WDR7: variants seen among roughly 807,000 people sequenced by gnomAD.
The protein encoded by WDR7 is WD repeat domain 7, also known as WD repeat-containing protein 7.
A neutral mutation model predicts 169.4 loss-of-function variants in WDR7; 46 were observed. The ratio of observed to expected loss-of-function variants is 0.27; its 90% CI spans 0.21 to 0.35. WDR7 has a LOEUF of 0.35. Among genes scored for constraint, WDR7 ranks in the 10% least tolerant of loss-of-function variants. WDR7 has a pLI of 1.00. For missense variants in WDR7, 1,534 were observed against 1,859.3 expected, an observed-to-expected ratio of 0.83 and a Z score of 3.22; for synonymous variants, 612 against 666.8, an observed-to-expected ratio of 0.92 and a Z score of 1.27.
At chr18:56,754,525 GGT>G (rs571518060) in intron 14 of WDR7, among the ~76,000 whole-genome samples, 2 of 150,004 alleles carry the variant, frequency 1.3e-5, no homozygotes, top group South Asian at 2.1e-4. Flanking sequence ...AACCATAACT[GGT>G]GTGTGTGTGT....
intron 19 of WDR7, among the ~76,000 whole-genome samples, chr18:56,785,491 C>T (rs935053588): frequency 6.6e-6 from 1 of 152,198 alleles, no homozygotes; most frequent in African/African-American, 2.4e-5. Flanking sequence ...CAGCTCCTAA[C>T]TTAAAATTGA....
At chr18:56,989,974 TA>T (rs2047786613) in intron 26 of WDR7, among the ~76,000 whole-genome samples, 1 of 152,222 alleles carries the variant, frequency 6.6e-6, no homozygotes, top group Non-Finnish European at 1.5e-5. Context: ...CAGGACCATG[TA>T]AAACTAATGT....
At chr18:56,791,776 T>C (rs935126058) in intron 19 of WDR7, among the ~76,000 whole-genome samples, 11 of 152,294 alleles carry the variant, frequency 7.2e-5, no homozygotes, top group Non-Finnish European at 1.2e-4. Flanking sequence ...AGTGGATGCA[T>C]ACTTGGGGCC....
At chr18:56,921,656 G>C (rs752949099) in intron 21 of WDR7, among the ~76,000 whole-genome samples, 1 of 152,146 alleles carries the variant, frequency 6.6e-6, no homozygotes, top group East Asian at 1.9e-4. Flanking sequence ...TCTGAAAGGA[G>C]GGTCTTTTGA....
chr18:56,787,262 T>G (rs1446184034), intron 19 of WDR7, among the ~76,000 whole-genome samples: 3 of 152,172 alleles, frequency 2.0e-5, no homozygotes, highest in Admixed American at 6.5e-5. Flanking sequence ...CAGAGTGACC[T>G]TACAGGGCAT....
intron 19 of WDR7, among the ~76,000 whole-genome samples, chr18:56,812,267 A>G (rs962691379): frequency 6.6e-6 from 1 of 152,184 alleles, no homozygotes; most frequent in Non-Finnish European, 1.5e-5. Flanking sequence ...TTAGGTGTCC[A>G]TTGTTCATTA....
intron 11 of WDR7, 40 bp from the exon 12 acceptor site, chr18:56,696,202 C>T: frequency 6.5e-7 from 1 of 1,526,802 alleles, no homozygotes; most frequent in Non-Finnish European, 8.9e-7. Flanking sequence ...CTTGGTAAAC[C>T]TTTAATTTTC....
At chr18:56,883,100 C>T (rs1358787327) in intron 21 of WDR7, among the ~76,000 whole-genome samples, 2 of 151,594 alleles carry the variant, frequency 1.3e-5, no homozygotes, top group African/African-American at 4.9e-5. Flanking sequence ...GTCCCAGCTG[C>T]TCGGGAGGCT....
chr18:56,967,170 C>T (rs903381385), intron 26 of WDR7, among the ~76,000 whole-genome samples: 34 of 151,778 alleles, frequency 2.2e-4, no homozygotes, highest in African/African-American at 8.0e-4. Context: ...GTTCAGCCTG[C>T]TCAATAGGGA....
At chr18:56,826,411 G>C (rs2045205130) in intron 20 of WDR7, among the ~76,000 whole-genome samples, 1 of 152,094 alleles carries the variant, frequency 6.6e-6, no homozygotes, top group African/African-American at 2.4e-5. Flanking sequence ...CCTTCTTCCT[G>C]ATACTTCATA....
chr18:56,730,792 A>G (rs2026568397), intron 13 of WDR7, among the ~76,000 whole-genome samples: 1 of 152,022 alleles, frequency 6.6e-6, no homozygotes, highest in South Asian at 2.1e-4. Context: ...AAAAATAAAT[A>G]AATAAATAAG....
intron 20 of WDR7, among the ~76,000 whole-genome samples, chr18:56,865,568 G>C (rs369876707): frequency 5.3e-5 from 8 of 152,066 alleles, no homozygotes; most frequent in Non-Finnish European, 1.0e-4. Flanking sequence ...TTACAGGAAG[G>C]TTTATGTAGA....
chr18:56,704,273 A>G (rs1401619358), intron 12 of WDR7, among the ~76,000 whole-genome samples: 1 of 152,090 alleles, frequency 6.6e-6, no homozygotes, highest in East Asian at 1.9e-4. Context: ...ATGGTGGCTT[A>G]CACCTGTAAT....
At chr18:56,681,484 A>C in intron 4 of WDR7, 93 bp downstream of exon 4, 1 of 798,090 alleles carries the variant, frequency 1.3e-6, no homozygotes, top group Admixed American at 3.6e-5. Flanking sequence ...TTTTATATGA[A>C]AAATGGTGGG....
chr18:57,029,277 G>T lies in WDR7; in HGVS notation c.*2070G>T, dbSNP rs759835606. ...GGAGCAATAGCCCTGGGCCACAAGC[G>T]TGGGTAGGCCTTTCACGTATTCCGT... On this transcript the variant is annotated 3_prime_UTR_variant, in exon 28 of 28. Coordinates refer to ENST00000254442, the MANE Select transcript of WDR7 (RefSeq NM_015285.3). The T allele has an allele frequency of 2.0e-5, 3 of 152,186 alleles. No homozygotes were observed. The highest frequency in any genetic ancestry group is 4.4e-5 in the Non-Finnish European group (3 of 68,048). 9.4% of individuals were successfully genotyped at this position (152,186 alleles called of 1,614,324 possible).
chr18:56,995,688 C>G (rs1339834719), intron 26 of WDR7, among the ~76,000 whole-genome samples: 1 of 152,158 alleles, frequency 6.6e-6, no homozygotes, highest in Non-Finnish European at 1.5e-5. Context: ...AAGTTATTTT[C>G]ACTTGAGATT....
intron 16 of WDR7, among the ~76,000 whole-genome samples, chr18:56,776,047 G>T (rs148538757): frequency 6.6e-6 from 1 of 151,974 alleles, no homozygotes; most frequent in African/African-American, 2.4e-5. Flanking sequence ...TTGCTTTTTC[G>T]TATGATAATT....
chr18:56,758,181 T>C (rs1351141368), intron 15 of WDR7, among the ~76,000 whole-genome samples: 1 of 152,146 alleles, frequency 6.6e-6, no homozygotes, highest in East Asian at 1.9e-4. Flanking sequence ...GGAGACAACT[T>C]TTTATTATAC....
chr18:56,927,752 A>G (rs1163951260), intron 22 of WDR7, among the ~76,000 whole-genome samples: 1 of 152,238 alleles, frequency 6.6e-6, no homozygotes, highest in African/African-American at 2.4e-5. Flanking sequence ...TTAACTATTA[A>G]TTAATCAAGC....
Sources: allele counts gnomAD v4.1 joint callset (sites outside exome capture counted in the v4.1 genomes callset), GRCh38; gene constraint gnomAD v4.1.1; transcripts MANE v1.5; gene names NCBI Gene and HGNC (gene_info 2026-07-23, HGNC 2026-07-21).